Variants in CDH12 observed in about 807,000 individuals in gnomAD.
The protein encoded by CDH12 is cadherin-12.
In CDH12, 41 loss-of-function variants were observed where a neutral mutation model predicts 74.1. That is an observed-to-expected ratio of 0.55 (90% CI 0.43 to 0.72). The LOEUF (loss-of-function observed/expected upper bound fraction) is 0.72, where lower values mean the gene tolerates loss of function less well. Among genes scored for constraint, CDH12 ranks in the 30% least tolerant of loss-of-function variants. The probability of loss-of-function intolerance (pLI) is 0.00; values close to 1 mark genes in which losing one functional copy is unlikely to be tolerated. For synonymous variants in CDH12, 399 were observed against 355.0 expected, an observed-to-expected ratio of 1.12 and a Z score of -1.39; for missense variants, 945 against 977.2, an observed-to-expected ratio of 0.97 and a Z score of 0.44.
chr5:22,303,143 G>C (rs1026177589), intron 3 of CDH12, among the ~76,000 whole-genome samples: 1 of 152,058 alleles, frequency 6.6e-6, no homozygotes, highest in African/African-American at 2.4e-5. Context: ...AAATTGTTAT[G>C]ACAGTAAGAC....
At chr5:21,874,250 CA>C (rs1400103757) in intron 6 of CDH12, among the ~76,000 whole-genome samples, 2 of 152,080 alleles carry the variant, frequency 1.3e-5, no homozygotes, top group African/African-American at 4.8e-5. Context: ...TTTGTGCAGC[CA>C]ACAAACATAT....
At chr5:22,119,208 G>A (rs1266153218) in intron 4 of CDH12, among the ~76,000 whole-genome samples, 1 of 151,424 alleles carries the variant, frequency 6.6e-6, no homozygotes, top group Non-Finnish European at 1.5e-5. Context: ...GTGAACACTG[G>A]CATTCTTTTT....
intron 4 of CDH12, among the ~76,000 whole-genome samples, chr5:22,113,436 C>T (rs1377055606): frequency 1.3e-5 from 2 of 152,168 alleles, no homozygotes; most frequent in East Asian, 1.9e-4. Flanking sequence ...TTAACCTGAA[C>T]ATTTCCCTTT....
At chr5:22,074,532 C>T (rs1580207968) in intron 5 of CDH12, among the ~76,000 whole-genome samples, 2 of 152,266 alleles carry the variant, frequency 1.3e-5, no homozygotes, top group Admixed American at 1.3e-4. Flanking sequence ...AGACAACCTA[C>T]AGAATGGGAG....
chr5:22,241,691 A>G (rs1473292385), intron 3 of CDH12, among the ~76,000 whole-genome samples: 1 of 152,052 alleles, frequency 6.6e-6, no homozygotes, highest in Non-Finnish European at 1.5e-5. Flanking sequence ...TCTACTATCA[A>G]AACAAATAAC....
chr5:22,281,022 A>T (rs564490145), intron 3 of CDH12, among the ~76,000 whole-genome samples: 29 of 152,304 alleles, frequency 1.9e-4, no homozygotes, highest in African/African-American at 7.0e-4. Flanking sequence ...AAGCTTATCC[A>T]CTATGATCAA....
intron 1 of CDH12, among the ~76,000 whole-genome samples, chr5:22,508,488 T>C (rs1171841786): frequency 6.6e-6 from 1 of 152,152 alleles, no homozygotes; most frequent in Admixed American, 6.5e-5. Context: ...TCTATTAACA[T>C]AGGTAGATCT....
chr5:22,363,602 C>T (rs1740911886), intron 3 of CDH12, among the ~76,000 whole-genome samples: 1 of 152,154 alleles, frequency 6.6e-6, no homozygotes, highest in African/African-American at 2.4e-5. Flanking sequence ...TTTCTTTTCT[C>T]CAATGATATA....
At chr5:21,843,581 C>A (rs891228086) in intron 7 of CDH12, among the ~76,000 whole-genome samples, 2 of 150,992 alleles carry the variant, frequency 1.3e-5, no homozygotes, top group African/African-American at 4.9e-5. Context: ...ATGGTGCAAT[C>A]TGGGCTCACT....
chr5:22,652,103 A>G (rs1050757910), intron 1 of CDH12, among the ~76,000 whole-genome samples: 1 of 152,208 alleles, frequency 6.6e-6, no homozygotes, highest in Non-Finnish European at 1.5e-5. Flanking sequence ...GAAAAAGATT[A>G]AAATGTGAAG....
intron 1 of CDH12, among the ~76,000 whole-genome samples, chr5:22,672,616 A>T (rs1465766857): frequency 6.6e-6 from 1 of 152,164 alleles, no homozygotes; most frequent in African/African-American, 2.4e-5. Flanking sequence ...CTCAGCCTCC[A>T]GAATTGTGAG....
At chr5:22,330,457 T>C (rs1739301230) in intron 3 of CDH12, among the ~76,000 whole-genome samples, 2 of 151,952 alleles carry the variant, frequency 1.3e-5, no homozygotes, top group Admixed American at 1.3e-4. Flanking sequence ...CTCCCTATAT[T>C]AAAGAAAAGC....
At chr5:22,344,765 A>C (rs1740038215) in intron 3 of CDH12, among the ~76,000 whole-genome samples, 1 of 152,196 alleles carries the variant, frequency 6.6e-6, no homozygotes, top group Admixed American at 6.5e-5. Context: ...ATACTATGTA[A>C]GTGTACAGAT....
chr5:22,508,012 G>C (rs1736456377), intron 1 of CDH12, among the ~76,000 whole-genome samples: 1 of 151,978 alleles, frequency 6.6e-6, no homozygotes, highest in Admixed American at 6.6e-5. Context: ...CAAATCTTCT[G>C]CCTCTCATTT....
intron 3 of CDH12, among the ~76,000 whole-genome samples, chr5:22,368,747 A>G (rs1472227230): frequency 1.3e-5 from 2 of 152,162 alleles, no homozygotes; most frequent in Non-Finnish European, 2.9e-5. Context: ...CTACCTTCAT[A>G]TTTCTAGTGA....
intron 1 of CDH12, among the ~76,000 whole-genome samples, chr5:22,620,032 T>C (rs966388057): frequency 2.0e-5 from 3 of 152,140 alleles, no homozygotes; most frequent in Non-Finnish European, 2.9e-5. Flanking sequence ...TTACCTCCAA[T>C]GATATTTTAA....
chr5:22,751,030 T>C (rs1745544708), intron 1 of CDH12, among the ~76,000 whole-genome samples: 1 of 151,674 alleles, frequency 6.6e-6, no homozygotes, highest in Non-Finnish European at 1.5e-5. Flanking sequence ...TTTCACAATG[T>C]TGGGAAAATG....
chr5:22,810,781 G>A (rs1749096464), intron 1 of CDH12, among the ~76,000 whole-genome samples: 2 of 152,086 alleles, frequency 1.3e-5, no homozygotes. Flanking sequence ...CTACTCAGAA[G>A]GCTGAAGCAG....
At chr5:22,004,071 A>G (rs1181948445) in intron 5 of CDH12, among the ~76,000 whole-genome samples, 1 of 152,186 alleles carries the variant, frequency 6.6e-6, no homozygotes, top group Non-Finnish European at 1.5e-5. Flanking sequence ...TCCTGGATCC[A>G]GATTCAATGT....
Sources: gnomAD v4.1 joint callset for allele counts (sites outside exome capture counted in the v4.1 genomes callset) on GRCh38, gnomAD v4.1.1 for gene constraint, MANE v1.5 for transcripts, NCBI Gene and HGNC (gene_info 2026-07-23, HGNC 2026-07-21) for gene names.